Variants in MARCHF1 observed in about 807,000 individuals in gnomAD.
MARCHF1 encodes the protein membrane associated ring-CH-type finger 1.
Under a neutral mutation model 54.2 loss-of-function variants are expected in MARCHF1, and 40 were observed. The observed-to-expected ratio is 0.74, with a 90% confidence interval of 0.57 to 0.96. The LOEUF (loss-of-function observed/expected upper bound fraction) is 0.96, where lower values mean the gene tolerates loss of function less well. Among genes scored for constraint, MARCHF1 ranks in the 40% least tolerant of loss-of-function variants. MARCHF1 has a pLI of 0.00. For missense variants in MARCHF1, 586 were observed against 656.5 expected (o/e 0.89, Z 1.17); for synonymous variants, 236 against 236.3 (o/e 1.00, Z 0.01).
intron 4 of MARCHF1, among the ~76,000 whole-genome samples, chr4:163,811,903 C>G (rs1314083526): frequency 2.6e-5 from 4 of 152,080 alleles, no homozygotes; most frequent in Non-Finnish European, 5.9e-5. Context: ...CTGAGTGTGT[C>G]TGCAGAGGGA....
At chr4:164,370,867 C>A (rs1267963262) in intron 1 of MARCHF1, among the ~76,000 whole-genome samples, 1 of 152,082 alleles carries the variant, frequency 6.6e-6, no homozygotes, top group Non-Finnish European at 1.5e-5. Flanking sequence ...GAGATCTTGC[C>A]ACCACCCTCT....
intron 2 of MARCHF1, among the ~76,000 whole-genome samples, chr4:164,080,931 G>A (rs896033028): frequency 2.0e-5 from 3 of 151,600 alleles, no homozygotes; most frequent in East Asian, 1.9e-4. Flanking sequence ...TTATTTGGCC[G>A]GGCGTGGTGG....
chr4:163,857,182 A>G (rs1294167185), intron 3 of MARCHF1, among the ~76,000 whole-genome samples: 1 of 150,812 alleles, frequency 6.6e-6, no homozygotes, highest in African/African-American at 2.4e-5. Flanking sequence ...GCCCAATAAC[A>G]ATATGTTCTT....
intron 4 of MARCHF1, among the ~76,000 whole-genome samples, chr4:163,791,480 ATT>A (rs1422385297): frequency 6.6e-6 from 1 of 152,140 alleles, no homozygotes; most frequent in African/African-American, 2.4e-5. Flanking sequence ...TTGCAAAATA[ATT>A]TGTCAATCAA....
intron 4 of MARCHF1, among the ~76,000 whole-genome samples, chr4:163,748,765 C>A (rs1746433097): frequency 6.6e-6 from 1 of 152,250 alleles, no homozygotes; most frequent in Non-Finnish European, 1.5e-5. Flanking sequence ...AGTTCCCTCC[C>A]TGGTGGAAAC....
chr4:164,146,780 A>G (rs534578596), intron 1 of MARCHF1, among the ~76,000 whole-genome samples: 1 of 152,326 alleles, frequency 6.6e-6, no homozygotes, highest in Admixed American at 6.5e-5. Flanking sequence ...CTTCATGTCT[A>G]AAACACCAAA....
intron 3 of MARCHF1, among the ~76,000 whole-genome samples, chr4:163,965,153 A>G (rs534228001): frequency 1.3e-5 from 2 of 152,110 alleles, no homozygotes; most frequent in Admixed American, 6.6e-5. Flanking sequence ...ACTGGGAATA[A>G]TGATAAATAG....
At chr4:164,079,434 A>G (rs1350474017) in intron 2 of MARCHF1, among the ~76,000 whole-genome samples, 1 of 152,208 alleles carries the variant, frequency 6.6e-6, no homozygotes, top group Non-Finnish European at 1.5e-5. Context: ...GTACTTTTAA[A>G]GAAATCCTAC....
At chr4:164,076,298 A>C (rs1280223054) in intron 2 of MARCHF1, among the ~76,000 whole-genome samples, 1 of 152,140 alleles carries the variant, frequency 6.6e-6, no homozygotes, top group Non-Finnish European at 1.5e-5. Flanking sequence ...ATTAGAGCTC[A>C]AAGAATCAGA....
chr4:164,132,000 A>G (rs1756309962), intron 1 of MARCHF1, among the ~76,000 whole-genome samples: 1 of 152,176 alleles, frequency 6.6e-6, no homozygotes, highest in Non-Finnish European at 1.5e-5. Flanking sequence ...TTACTACTTG[A>G]AAAGTATTGA....
intron 5 of MARCHF1, among the ~76,000 whole-genome samples, chr4:163,637,742 G>C (rs1341398602): frequency 1.3e-5 from 2 of 151,352 alleles, no homozygotes; most frequent in Non-Finnish European, 2.9e-5. Context: ...CCCATTACTG[G>C]GTATATACCC....
At chr4:163,802,546 A>G (rs1748111010) in intron 4 of MARCHF1, among the ~76,000 whole-genome samples, 2 of 152,202 alleles carry the variant, frequency 1.3e-5, no homozygotes, top group Non-Finnish European at 2.9e-5. Flanking sequence ...CTTTTGCTGT[A>G]ACTGCAGTGT....
intron 4 of MARCHF1, among the ~76,000 whole-genome samples, chr4:163,811,127 G>A (rs1748372052): frequency 6.6e-6 from 1 of 152,018 alleles, no homozygotes; most frequent in Admixed American, 6.6e-5. Flanking sequence ...TTCATATCTG[G>A]AGCTGCTTCT....
chr4:164,152,325 G>C (rs1729964410), intron 1 of MARCHF1, among the ~76,000 whole-genome samples: 1 of 151,976 alleles, frequency 6.6e-6, no homozygotes, highest in African/African-American at 2.4e-5. Flanking sequence ...ACTTTCTGCT[G>C]TCCCATATTT....
At position 163,905,003 on chromosome 4, in the gene MARCHF1, T is replaced by C. The variant is rs537313811; in HGVS notation, c.-38-50834A>G. ...TGTGATTATGCTGCATTACAACCTTTTAAAATATTTTATTTAAGATATATC... is the reference window on the plus strand; with the variant it reads ...TGTGATTATGCTGCATTACAACCTTCTAAAATATTTTATTTAAGATATATC... On this transcript the variant is annotated intron_variant, in intron 3 of 9. Coordinates refer to ENST00000514618, the MANE Select transcript of MARCHF1 (RefSeq NM_001394959.1). Among the ~76,000 whole-genome samples the C allele has an allele frequency of 5.9e-5, 9 of 152,174 alleles. No homozygotes were observed. The South Asian group carries it at 1.5e-3, about 25-fold the overall frequency.
rs564507263 is a variant in MARCHF1, at chr4:163,988,550, T to C, written c.-88A>G. 2.0e-5 allele frequency: 3 copies of C among 152,386 alleles called. No homozygotes were observed. Among genetic ancestry groups the C allele is most frequent in the South Asian group, 2.1e-4 (1 of 4,824 alleles). 9.4% of individuals were successfully genotyped at this position (152,386 alleles called of 1,614,324 possible). A position where few individuals can be genotyped will look rare whatever the true frequency, so the allele number is the denominator to read the frequency against. On this transcript the variant is annotated 5_prime_UTR_variant, in exon 3 of 10. An upstream start codon of the reference 5' UTR is lost. Transcript: ENST00000514618. ...GTTTCTGCCCATTGAATTTCTCCCATTGCTGGCAGTCTCCCGTGCTGGGAT... is the reference window on the plus strand; with the variant it reads ...GTTTCTGCCCATTGAATTTCTCCCACTGCTGGCAGTCTCCCGTGCTGGGAT...
At chr4:163,786,837 T>C (rs187973418) in intron 4 of MARCHF1, among the ~76,000 whole-genome samples, 27 of 152,088 alleles carry the variant, frequency 1.8e-4, no homozygotes, top group Admixed American at 1.1e-3. Context: ...TTTCAGAATA[T>C]ACTACAAATC....
chr4:164,185,466 T>C (rs1036223623), intron 1 of MARCHF1, among the ~76,000 whole-genome samples: 30 of 152,148 alleles, frequency 2.0e-4, no homozygotes, highest in Non-Finnish European at 3.5e-4. Context: ...TATGTTACCA[T>C]ATACTAGCAA....
chr4:163,783,500 C>A (rs1747528156), intron 4 of MARCHF1, among the ~76,000 whole-genome samples: 1 of 152,174 alleles, frequency 6.6e-6, no homozygotes, highest in South Asian at 2.1e-4. Context: ...AATTTTGTAC[C>A]TTGAGTACCT....
Sources: allele counts gnomAD v4.1 joint callset (sites outside exome capture counted in the v4.1 genomes callset), GRCh38; gene constraint gnomAD v4.1.1; transcripts MANE v1.5; gene names NCBI Gene and HGNC (gene_info 2026-07-23, HGNC 2026-07-21).